The following TP73 variants were observed in gnomAD, a reference collection of about 807,000 sequenced individuals.
TP73 encodes tumor protein p73, also known as p53-like transcription factor.
In TP73, 25 loss-of-function variants were observed where a neutral mutation model predicts 62.5. That is an observed-to-expected ratio of 0.40 (90% CI 0.29 to 0.56). TP73 has a LOEUF of 0.56. Among genes scored for constraint, TP73 ranks in the 20% least tolerant of loss-of-function variants. The pLI, the probability that TP73 is intolerant of heterozygous loss-of-function variation, is 0.46. For synonymous variants in TP73, 423 were observed against 377.5 expected (o/e 1.12, Z -1.40); for missense variants, 754 against 913.3 (o/e 0.83, Z 2.25).
In TP73 at chr1:3,732,990, G is replaced by C; in HGVS notation, c.1822G>C (p.Glu608Gln). The change falls in exon 14 of 14, where the codon GAG becomes CAG. Residue 608 changes from glutamate to glutamine, a missense_variant. Around this residue, in one of 3 missense-constraint regions of TP73, gnomAD observed 458 missense variants for 528.7 expected, o/e 0.87. Transcript: ENST00000378295. Reference sequence around the variant, plus strand: ...CGGCGGCCCAGGCGGCGGCCCTGACGAGTGGGCGGACTTCGGCTTCGACCT... The same window carrying C: ...CGGCGGCCCAGGCGGCGGCCCTGACCAGTGGGCGGACTTCGGCTTCGACCT... ...NRGGPGGGPD[E>Q]WADFGFDLPD... The C allele has an allele frequency of 1.3e-6, 2 of 1,587,558 alleles. No homozygotes were observed. The highest frequency in any genetic ancestry group is 1.3e-5 in the African/African-American group (1 of 74,388).
At chr1:3,715,017 G>A (rs985347804) in intron 4 of TP73, among the ~76,000 whole-genome samples, 3 of 152,234 alleles carry the variant, frequency 2.0e-5, no homozygotes, top group African/African-American at 7.2e-5. Flanking sequence ...GCGACCGGGT[G>A]GGGACTGGGC....
chr1:3,728,075 G>T (rs887827310), intron 8 of TP73, 54 bp from the exon 9 acceptor site: 7 of 1,528,706 alleles, frequency 4.6e-6, no homozygotes, highest in Non-Finnish European at 3.5e-6. Flanking sequence ...CCGGAAGGAG[G>T]CCTCACCCTC....
chr1:3,713,478 T>C (rs1412647918), intron 4 of TP73, among the ~76,000 whole-genome samples: 1 of 152,172 alleles, frequency 6.6e-6, no homozygotes, highest in Non-Finnish European at 1.5e-5. Context: ...CCTTGGGCCG[T>C]GTGGGACTCG....
chr1:3,729,018 G>C (rs902239466), intron 9 of TP73, among the ~76,000 whole-genome samples: 1 of 151,754 alleles, frequency 6.6e-6, no homozygotes. Flanking sequence ...CAGAGAGACA[G>C]AGAGAGACAG....
chr1:3,718,497 C>T (rs1281680307), intron 4 of TP73, among the ~76,000 whole-genome samples: 1 of 152,128 alleles, frequency 6.6e-6, no homozygotes, highest in Non-Finnish European at 1.5e-5. Context: ...CCCTGAGGCC[C>T]AGGCGGGCGG....
intron 3 of TP73, 56 bp downstream of exon 3, chr1:3,683,236 C>A: frequency 6.5e-7 from 1 of 1,549,186 alleles, no homozygotes; most frequent in South Asian, 1.2e-5. Flanking sequence ...ACAAATGTGG[C>A]CTGTCCTGTC....
intron 7 of TP73, 151 bp downstream of exon 7, chr1:3,727,375 C>A: frequency 1.1e-6 from 1 of 935,554 alleles, no homozygotes; most frequent in Non-Finnish European, 1.6e-6. Context: ...CGCCCCCTGG[C>A]CTGCAGGGCC....
At chr1:3,702,837 A>G (rs1380312498) in intron 3 of TP73, among the ~76,000 whole-genome samples, 1 of 152,184 alleles carries the variant, frequency 6.6e-6, no homozygotes, top group Non-Finnish European at 1.5e-5. Flanking sequence ...AACAAACCAA[A>G]AAAGTCCTGG....
In TP73 at chr1:3,728,561, G is replaced by A. The variant is rs147461969; in HGVS notation, c.1074+344G>A. 9.3e-4 allele frequency among the ~76,000 whole-genome samples: 141 copies of A among 152,364 alleles called. 1 individual carries two copies. Among genetic ancestry groups the A allele is most frequent in the African/African-American group, 3.3e-3 (139 of 41,576 alleles). ...ACCCTAACGTTGGCCAGGACCCGTGGCCACGGCCAGCCCCCATGAGTGTGC... is the reference window on the plus strand; with the variant it reads ...ACCCTAACGTTGGCCAGGACCCGTGACCACGGCCAGCCCCCATGAGTGTGC... On this transcript the variant is annotated intron_variant, in intron 9 of 13. Transcript: ENST00000378295.
intron 1 of TP73, among the ~76,000 whole-genome samples, chr1:3,679,460 T>C (rs1011663328): frequency 1.3e-5 from 2 of 152,144 alleles, no homozygotes; most frequent in African/African-American, 4.8e-5. Context: ...TCTCTGTCTG[T>C]CTCTGTCTCC....
In TP73 at chr1:3,656,694, C is replaced by T. The variant is rs182566609; in HGVS notation, c.-34+4053C>T. On this transcript the variant is annotated intron_variant, in intron 1 of 13. Transcript: ENST00000378295. ...CAAACCATCCTTTGCCTGGGTCTGC[C>T]GTTGGCTCAGACACGGCCCCCAGAC... Among the ~76,000 whole-genome samples, 460 of 152,314 alleles carry T rather than the reference C, an allele frequency of 3.0e-3. 3 individuals carry two copies. The highest frequency in any genetic ancestry group is 0.01 in the African/African-American group (423 of 41,560).
At chr1:3,722,893 C>T (rs1385509961) in intron 5 of TP73, among the ~76,000 whole-genome samples, 7 of 138,344 alleles carry the variant, frequency 5.1e-5, no homozygotes, top group African/African-American at 1.9e-4. Context: ...AGGGTGGGCA[C>T]CTCTGCACCT....
chr1:3,726,105 GTGGATGGA>G (rs148748031), intron 6 of TP73, among the ~76,000 whole-genome samples: 1 of 70,326 alleles, frequency 1.4e-5, no homozygotes, highest in Non-Finnish European at 2.7e-5. Context: ...GGGTGGGTGG[GTGGATGGA>G]TGGATGGATT....
intron 1 of TP73, among the ~76,000 whole-genome samples, chr1:3,665,819 CTTTTTTTTTTTT>C (rs140454580): frequency 1.0e-5 from 1 of 96,898 alleles, no homozygotes; most frequent in African/African-American, 4.3e-5. Context: ...CGTGCCCGGC[CTTTTTTTTTTTT>C]TTTTTTTTTA....
intron 4 of TP73, among the ~76,000 whole-genome samples, chr1:3,711,281 A>G (rs140113726): frequency 0.011 from 1,610 of 152,262 alleles, 30 homozygotes; most frequent in African/African-American, 0.036. Context: ...TCCCAGTTCA[A>G]CACCCTCTGT....
At chr1:3,728,312 C>A in intron 9 of TP73, 95 bp downstream of exon 9, 1 of 1,335,596 alleles carries the variant, frequency 7.5e-7, no homozygotes, top group East Asian at 2.4e-5. Context: ...CTCTGGAGAC[C>A]ATGGTGGAGG....
chr1:3,726,812 AGTGGATGGATGGATGGATAGATGG>A (rs1260412688), intron 6 of TP73, among the ~76,000 whole-genome samples: 4 of 105,220 alleles, frequency 3.8e-5, no homozygotes, highest in African/African-American at 1.5e-4. Flanking sequence ...TAAATGGGGG[AGTGGATGGATGGATGGATAGATGG>A]GTGGGTGGAT....
intron 3 of TP73, among the ~76,000 whole-genome samples, chr1:3,702,163 G>A (rs995786897): frequency 5.3e-5 from 8 of 152,150 alleles, no homozygotes; most frequent in African/African-American, 1.4e-4. Flanking sequence ...TTGGATTGGG[G>A]TGTCCAGCCA....
chr1:3,675,341 G>A (rs1645338546), intron 1 of TP73, among the ~76,000 whole-genome samples: 1 of 151,858 alleles, frequency 6.6e-6, no homozygotes, highest in South Asian at 2.1e-4. Flanking sequence ...CTCCCACAAT[G>A]GCCCCAGGTT....
Sources: allele counts gnomAD v4.1 joint callset (sites outside exome capture counted in the v4.1 genomes callset), GRCh38; gene constraint gnomAD v4.1.1; regional missense constraint gnomAD v4.1.1; transcripts MANE v1.5; gene names NCBI Gene and HGNC (gene_info 2026-07-23, HGNC 2026-07-21).